PCLO: variants seen among roughly 807,000 people sequenced by gnomAD.
PCLO encodes protein piccolo.
Under a neutral mutation model 427.5 loss-of-function variants are expected in PCLO, and 82 were observed. That is an observed-to-expected ratio of 0.19 (90% CI 0.16 to 0.23). The LOEUF (loss-of-function observed/expected upper bound fraction) is 0.23. PCLO is among the 10% of genes least tolerant of loss of function. The probability of loss-of-function intolerance (pLI) is 1.00; values close to 1 mark genes in which losing one functional copy is unlikely to be tolerated. For missense variants in PCLO, 6,239 were observed against 6,115.9 expected (o/e 1.02, Z -0.67); for synonymous variants, 2,357 against 2,155.4 (o/e 1.09, Z -2.59).
At chr7:83,102,712 C>T (rs1011841733) in intron 3 of PCLO, among the ~76,000 whole-genome samples, 4 of 151,766 alleles carry the variant, frequency 2.6e-5, no homozygotes, top group African/African-American at 9.7e-5. Context: ...ACATTGGATA[C>T]ATTTCTTATT....
intron 10 of PCLO, among the ~76,000 whole-genome samples, chr7:82,871,646 T>C (rs751985225): frequency 3.9e-5 from 6 of 152,116 alleles, no homozygotes; most frequent in Non-Finnish European, 8.8e-5. Flanking sequence ...TTTGAGGTGA[T>C]GGATATCCCA....
intron 3 of PCLO, among the ~76,000 whole-genome samples, chr7:83,006,253 A>G (rs1787943406): frequency 6.6e-6 from 1 of 151,708 alleles, no homozygotes; most frequent in Admixed American, 6.6e-5. Flanking sequence ...AGTTAATAAC[A>G]TAATAGAAAT....
intron 20 of PCLO, among the ~76,000 whole-genome samples, chr7:82,818,529 T>C (rs1342152750): frequency 6.6e-6 from 1 of 152,146 alleles, no homozygotes; most frequent in Non-Finnish European, 1.5e-5. Context: ...CCGCCATCAT[T>C]TCCAGCTACC....
At chr7:83,105,816 G>C (rs7804515) in intron 3 of PCLO, among the ~76,000 whole-genome samples, 69,832 of 152,014 alleles carry the variant, frequency 0.46, 16,452 homozygotes, top group East Asian at 0.71. Context: ...CTTTCTCTCT[G>C]TTTCAACAAA....
chr7:82,982,302 C>T (rs536933478), intron 3 of PCLO, among the ~76,000 whole-genome samples: 2 of 152,168 alleles, frequency 1.3e-5, no homozygotes, highest in South Asian at 4.1e-4. Flanking sequence ...GAAGATCCAA[C>T]TCATATAGAG....
intron 20 of PCLO, among the ~76,000 whole-genome samples, chr7:82,812,567 T>A (rs1791595034): frequency 6.6e-6 from 1 of 151,480 alleles, no homozygotes; most frequent in South Asian, 2.1e-4. Context: ...AGATGAAAAT[T>A]AAGAAAGTAA....
chr7:82,822,801 A>G (rs1791828742), intron 19 of PCLO, 112 bp from the exon 20 acceptor site: 3 of 855,126 alleles, frequency 3.5e-6, no homozygotes, highest in Non-Finnish European at 5.7e-6. Flanking sequence ...TCTGAGTCTT[A>G]TATGATTCAT....
intron 3 of PCLO, among the ~76,000 whole-genome samples, chr7:83,028,278 T>C (rs1330304790): frequency 4.9e-4 from 73 of 150,160 alleles, no homozygotes; most frequent in African/African-American, 1.5e-3. Flanking sequence ...ACAAAATCAA[T>C]GTACAAAAAT....
chr7:83,061,515 T>C (rs900426664), intron 3 of PCLO, among the ~76,000 whole-genome samples: 4 of 152,166 alleles, frequency 2.6e-5, no homozygotes, highest in Admixed American at 2.0e-4. Context: ...CAAGTCCAGC[T>C]TGCATTCAAA....
chr7:83,038,014 TA>T (rs1562932830), intron 3 of PCLO, among the ~76,000 whole-genome samples: 1,996 of 50,826 alleles, frequency 0.039, 432 homozygotes, highest in African/African-American at 0.19. Context: ...TATATATATA[TA>T]TATATATATA....
At chr7:82,821,011 G>A in intron 20 of PCLO, 1 of 1,217,164 alleles carries the variant, frequency 8.2e-7, no homozygotes, top group South Asian at 4.3e-5. Context: ...TTAAAAAGTG[G>A]ATAAACATAT....
intron 6 of PCLO, among the ~76,000 whole-genome samples, chr7:82,934,537 A>C (rs536698267): frequency 6.6e-6 from 1 of 151,882 alleles, no homozygotes; most frequent in East Asian, 1.9e-4. Flanking sequence ...TGCTTTCTTA[A>C]ATTTATGACT....
chr7:82,774,651 A>G (rs555251564), intron 22 of PCLO, among the ~76,000 whole-genome samples: 4 of 152,246 alleles, frequency 2.6e-5, no homozygotes, highest in Admixed American at 6.5e-5. Flanking sequence ...TCCTGTATAC[A>G]CCCTGTCCCC....
chr7:82,922,809 T>A (rs542360711), intron 6 of PCLO, among the ~76,000 whole-genome samples: 2 of 152,186 alleles, frequency 1.3e-5, no homozygotes, highest in East Asian at 3.9e-4. Flanking sequence ...ATCAAAGATA[T>A]ACTTCTAAAC....
intron 8 of PCLO, 63 bp downstream of exon 8, chr7:82,908,814 T>G: frequency 7.1e-7 from 1 of 1,398,608 alleles, no homozygotes; most frequent in South Asian, 1.2e-5. Flanking sequence ...ATTAAGACCA[T>G]TCTAGGGTAG....
intron 3 of PCLO, among the ~76,000 whole-genome samples, chr7:82,973,143 C>T (rs1795942639): frequency 6.6e-6 from 1 of 152,026 alleles, no homozygotes; most frequent in Non-Finnish European, 1.5e-5. Flanking sequence ...AAGATCAGGA[C>T]ATTAGAAATC....
intron 2 of PCLO, among the ~76,000 whole-genome samples, chr7:83,151,150 G>A (rs1163409728): frequency 2.0e-5 from 3 of 152,088 alleles, no homozygotes; most frequent in East Asian, 1.9e-4. Context: ...TAGAAAAGAT[G>A]CCTTTCTAGA....
intron 6 of PCLO, among the ~76,000 whole-genome samples, chr7:82,941,515 A>C (rs1207636882): frequency 6.6e-6 from 1 of 152,216 alleles, no homozygotes; most frequent in Non-Finnish European, 1.5e-5. Context: ...TGTGGGCTTC[A>C]CATGCCTCAT....
At chr7:82,804,765 C>T (rs984545968) in intron 21 of PCLO, among the ~76,000 whole-genome samples, 37 of 152,166 alleles carry the variant, frequency 2.4e-4, no homozygotes, top group African/African-American at 8.4e-4. Context: ...CTATAATTTT[C>T]AAGTGTCACA....
Sources: allele counts gnomAD v4.1 joint callset (sites outside exome capture counted in the v4.1 genomes callset), GRCh38; gene constraint gnomAD v4.1.1; transcripts MANE v1.5; gene names NCBI Gene and HGNC (gene_info 2026-07-23, HGNC 2026-07-21).